ZNF75D: variants seen among roughly 807,000 people sequenced by gnomAD.
ZNF75D encodes zinc finger protein 75.
A neutral mutation model predicts 33.3 loss-of-function variants in ZNF75D; 33 were observed. The observed-to-expected ratio is 0.99, with a 90% CI of 0.75 to 1.32. ZNF75D has a LOEUF of 1.32. Among genes scored for constraint, ZNF75D ranks in the 40% most tolerant of loss-of-function variants. ZNF75D has a pLI of 0.00. For synonymous variants in ZNF75D, 113 were observed against 130.6 expected (o/e 0.87, Z 0.92); for missense variants, 338 against 367.5 (o/e 0.92, Z 0.66).
intron 1 of ZNF75D, among the ~76,000 whole-genome samples, chrX:135,314,227 T>C (rs1337613342): frequency 8.9e-6 from 1 of 112,364 alleles, no homozygotes; most frequent in African/African-American, 3.2e-5. Context: ...CAAATGTTTT[T>C]TTCTGCATCT....
chrX:135,273,993 A>G (rs1284726708), intron 1 of ZNF75D, among the ~76,000 whole-genome samples: 1 of 111,688 alleles, frequency 9.0e-6, no homozygotes, highest in Non-Finnish European at 1.9e-5. Flanking sequence ...TCAAACTGCC[A>G]TGGAAACTGC....
At chrX:135,323,237 G>A (rs1342122210) in intron 1 of ZNF75D, among the ~76,000 whole-genome samples, 1 of 111,968 alleles carries the variant, frequency 8.9e-6, no homozygotes, top group Non-Finnish European at 1.9e-5. Flanking sequence ...TATTATCAGA[G>A]TTAGCAGCCT....
At chrX:135,315,630 A>G (rs782037500) in intron 1 of ZNF75D, among the ~76,000 whole-genome samples, 1 of 111,461 alleles carries the variant, frequency 9.0e-6, no homozygotes, top group African/African-American at 3.3e-5. Flanking sequence ...GGTTGCATAT[A>G]TATTTAGAAT....
intron 6 of ZNF75D, among the ~76,000 whole-genome samples, chrX:135,290,537 A>C (rs782535601): frequency 8.9e-6 from 1 of 112,604 alleles, no homozygotes; most frequent in African/African-American, 3.2e-5. Context: ...TTGTATAAAA[A>C]TGTTTGGAAA....
chrX:135,294,184 C>T lies in ZNF75D; in HGVS notation c.-44G>A, dbSNP rs781963507. 3.8e-6 allele frequency: 4 copies of T among 1,057,727 alleles called. No individual in the cohort carries two copies. Among genetic ancestry groups the T allele is most frequent in the Non-Finnish European group, 5.1e-6 (4 of 783,318 alleles). 87.2% of individuals were successfully genotyped at this position (1,057,727 alleles called of 1,213,427 possible). A position where few individuals can be genotyped will look rare whatever the true frequency, so the allele number is the denominator to read the frequency against. The stretch of plus-strand genomic sequence containing the variant: ...TACTCTTGTATGTGACACTGACACC[C>T]ACCTGGTACCACCTTTGACAAATCA... On this transcript the variant is annotated 5_prime_UTR_variant, in exon 3 of 7. Coordinates refer to ENST00000370766, the MANE Select transcript of ZNF75D (RefSeq NM_007131.5).
At chrX:135,267,666 G>A (rs2083867834) in intron 1 of ZNF75D, among the ~76,000 whole-genome samples, 1 of 110,730 alleles carries the variant, frequency 9.0e-6, no homozygotes, top group Admixed American at 9.6e-5. Flanking sequence ...ATATTCCAGT[G>A]CTGAATTCTA....
intron 1 of ZNF75D, among the ~76,000 whole-genome samples, chrX:135,272,963 G>T (rs782108196): frequency 3.9e-4 from 43 of 111,386 alleles, no homozygotes; most frequent in African/African-American, 1.2e-3. Context: ...CCACCCTGTG[G>T]AGTGTACTTT....
rs1420590407 is a variant in ZNF75D at position 135,286,190 on chromosome X, T to C, written c.*947A>G. ...CCTTGCCATTCTCAATAAATCAGTT[T>C]TGCAAAATCTCCAGGCCTTCTTGCA... On this transcript the variant is annotated 3_prime_UTR_variant, in exon 7 of 7. Coordinates refer to ENST00000370766, the MANE Select transcript of ZNF75D (RefSeq NM_007131.5). 1 of 111,843 alleles carries C rather than the reference T, an allele frequency of 8.9e-6. No individual in the cohort carries two copies. Among genetic ancestry groups the C allele is most frequent in the Non-Finnish European group, 1.9e-5 (1 of 53,163 alleles). 9.2% of individuals were successfully genotyped at this position (111,843 alleles called of 1,213,427 possible).
At chrX:135,309,149 G>A (rs192016265) in intron 1 of ZNF75D, among the ~76,000 whole-genome samples, 6 of 111,717 alleles carry the variant, frequency 5.4e-5, no homozygotes, top group Non-Finnish European at 9.4e-5. Flanking sequence ...AAATTAATGC[G>A]AATGTAAGAA....
intron 1 of ZNF75D, among the ~76,000 whole-genome samples, chrX:135,331,702 G>A (rs2084653401): frequency 9.0e-6 from 1 of 111,132 alleles, no homozygotes; most frequent in South Asian, 3.8e-4. Flanking sequence ...AAATTCTCTG[G>A]GTCCTCACAA....
At chrX:135,280,881 T>C (rs1227062311), downstream of ZNF75D, among the ~76,000 whole-genome samples, 1 of 112,222 alleles carries the variant, frequency 8.9e-6, no homozygotes, top group African/African-American at 3.2e-5. Context: ...GGGCTTCCCT[T>C]TGTGGGTAGT....
chrX:135,314,700 C>A (rs1556430456), intron 1 of ZNF75D, among the ~76,000 whole-genome samples: 1 of 111,759 alleles, frequency 8.9e-6, no homozygotes, highest in Non-Finnish European at 1.9e-5. Context: ...CTGATTCAAG[C>A]TGGGCAGGTT....
chrX:135,263,834 C>T (rs928250551), intron 1 of ZNF75D, among the ~76,000 whole-genome samples: 1 of 112,643 alleles, frequency 8.9e-6, no homozygotes, highest in Non-Finnish European at 1.9e-5. Flanking sequence ...CACTGTCCAA[C>T]CAGTCCCAGT....
chrX:135,282,333 C>T (rs1308739909), downstream of ZNF75D, among the ~76,000 whole-genome samples: 1 of 111,375 alleles, frequency 9.0e-6, no homozygotes, highest in East Asian at 2.8e-4. Context: ...TGGTGGATGC[C>T]CCTCCCCCCA....
chrX:135,336,428 T>A (rs1255872438), intron 1 of ZNF75D, among the ~76,000 whole-genome samples: 1 of 112,896 alleles, frequency 8.9e-6, no homozygotes, highest in Non-Finnish European at 1.9e-5. Flanking sequence ...GAATGAAATA[T>A]CTAACCATAT....
intron 1 of ZNF75D, among the ~76,000 whole-genome samples, chrX:135,258,036 A>C (rs182578111): frequency 0.011 from 1,228 of 108,605 alleles, 9 homozygotes; most frequent in African/African-American, 0.03. Flanking sequence ...TTGTTCAATT[A>C]CCACCTATGA....
chrX:135,289,714 G>A (rs2084011818), intron 6 of ZNF75D, among the ~76,000 whole-genome samples: 1 of 110,107 alleles, frequency 9.1e-6, no homozygotes, highest in African/African-American at 3.3e-5. Flanking sequence ...GACTTAATTT[G>A]TAAGGACTGG....
At chrX:135,337,514 C>T (rs1021018915) in intron 1 of ZNF75D, among the ~76,000 whole-genome samples, 8 of 111,034 alleles carry the variant, frequency 7.2e-5, no homozygotes, top group Non-Finnish European at 1.5e-4. Context: ...TATATATTTC[C>T]TTCTACTCAG....
chrX:135,307,436 A>G (rs1556426006), intron 1 of ZNF75D, among the ~76,000 whole-genome samples: 1 of 111,462 alleles, frequency 9.0e-6, no homozygotes, highest in Non-Finnish European at 1.9e-5. Flanking sequence ...CACTATAAAA[A>G]TCACAAAGCC....
Sources: allele counts gnomAD v4.1 joint callset (sites outside exome capture counted in the v4.1 genomes callset), GRCh38; gene constraint gnomAD v4.1.1; transcripts MANE v1.5; gene names NCBI Gene and HGNC (gene_info 2026-07-23, HGNC 2026-07-21).